PTPRD: variants seen among roughly 807,000 people sequenced by gnomAD.
PTPRD encodes receptor-type tyrosine-protein phosphatase delta.
In PTPRD, 34 loss-of-function variants were observed where a neutral mutation model predicts 214.5. The ratio of observed to expected loss-of-function variants is 0.16; its 90% CI spans 0.12 to 0.21. The LOEUF (loss-of-function observed/expected upper bound fraction) is 0.21. Among genes scored for constraint, PTPRD ranks in the 10% least tolerant of loss-of-function variants. The pLI, the probability that PTPRD is intolerant of heterozygous loss-of-function variation, is 1.00. For missense variants in PTPRD, 2,545 were observed against 2,398.7 expected (o/e 1.06, Z -1.27); for synonymous variants, 1,128 against 845.7 (o/e 1.33, Z -5.79).
intron 44 of PTPRD, among the ~76,000 whole-genome samples, chr9:8,325,955 T>G (rs1460902648): frequency 1.3e-5 from 2 of 152,204 alleles, no homozygotes; most frequent in Non-Finnish European, 2.9e-5. Flanking sequence ...CTTATCAGCT[T>G]AAGGAGATTT....
intron 7 of PTPRD, among the ~76,000 whole-genome samples, chr9:9,653,972 G>C (rs1234849703): frequency 6.6e-6 from 1 of 152,036 alleles, no homozygotes; most frequent in Non-Finnish European, 1.5e-5. Context: ...CTTTGATGTA[G>C]CTAAGATATT....
intron 7 of PTPRD, among the ~76,000 whole-genome samples, chr9:9,669,055 CTCTT>C (rs1445445966): frequency 1.3e-5 from 2 of 152,044 alleles, no homozygotes; most frequent in African/African-American, 4.8e-5. Flanking sequence ...CTTAAATAAT[CTCTT>C]TATTCTAAAA....
chr9:8,463,421 T>C (rs2096470576), intron 32 of PTPRD, among the ~76,000 whole-genome samples: 1 of 151,692 alleles, frequency 6.6e-6, no homozygotes, highest in African/African-American at 2.4e-5. Context: ...ATTGTTTTGG[T>C]TTATGCTTTA....
intron 9 of PTPRD, among the ~76,000 whole-genome samples, chr9:9,263,959 G>A (rs1277923354): frequency 1.3e-5 from 2 of 151,546 alleles, no homozygotes; most frequent in African/African-American, 2.4e-5. Flanking sequence ...AAGAGCAAGA[G>A]ATATGGAAGA....
intron 5 of PTPRD, among the ~76,000 whole-genome samples, chr9:9,866,551 A>G (rs1224297639): frequency 1.3e-5 from 2 of 152,150 alleles, no homozygotes; most frequent in African/African-American, 4.8e-5. Context: ...TTAGTTATAT[A>G]CATAACTATC....
At chr9:8,767,261 G>A (rs914203006) in intron 11 of PTPRD, among the ~76,000 whole-genome samples, 2 of 152,034 alleles carry the variant, frequency 1.3e-5, no homozygotes, top group African/African-American at 4.8e-5. Context: ...GGGATTACAG[G>A]TGTGCACCAC....
chr9:9,362,369 A>G (rs1278016167), intron 9 of PTPRD, among the ~76,000 whole-genome samples: 1 of 151,158 alleles, frequency 6.6e-6, no homozygotes, highest in Non-Finnish European at 1.5e-5. Context: ...GTTTTGCCTC[A>G]TACTTTGTTA....
chr9:9,244,443 A>G (rs1405240657), intron 9 of PTPRD, among the ~76,000 whole-genome samples: 2 of 152,192 alleles, frequency 1.3e-5, no homozygotes, highest in South Asian at 2.1e-4. Flanking sequence ...ACAGAGATAT[A>G]GACCAATGGA....
In PTPRD at chr9:9,473,739, T is replaced by G. The variant is rs114345756; in HGVS notation, c.-236-76257A>C. On this transcript the variant is annotated intron_variant, in intron 8 of 45. Transcript: ENST00000381196. ...TTTGATGATTAATGAGATTGAGCAT[T>G]TTTTCAAATATCTGTTGGTCATGTG... 5.4e-3 allele frequency among the ~76,000 whole-genome samples: 824 copies of G among 152,244 alleles called. 7 individuals carry two copies. Among genetic ancestry groups the G allele is most frequent in the African/African-American group, 0.018 (729 of 41,568 alleles).
intron 12 of PTPRD, among the ~76,000 whole-genome samples, chr9:8,667,878 T>C (rs999518900): frequency 2.6e-5 from 4 of 152,078 alleles, no homozygotes; most frequent in Admixed American, 6.5e-5. Flanking sequence ...ATTAATGCAG[T>C]TTCAGTAAGA....
intron 7 of PTPRD, among the ~76,000 whole-genome samples, chr9:9,665,660 C>T (rs1301788380): frequency 6.6e-6 from 1 of 151,716 alleles, no homozygotes; most frequent in Admixed American, 6.6e-5. Flanking sequence ...TCTCCACCTT[C>T]CACATGTAAG....
intron 8 of PTPRD, among the ~76,000 whole-genome samples, chr9:9,496,620 G>A (rs1318432843): frequency 1.3e-5 from 2 of 152,136 alleles, no homozygotes; most frequent in Non-Finnish European, 2.9e-5. Flanking sequence ...GTGATGATGT[G>A]GAGAAACCGA....
chr9:9,426,865 C>T (rs1053009057), intron 8 of PTPRD, among the ~76,000 whole-genome samples: 1 of 152,000 alleles, frequency 6.6e-6, no homozygotes, highest in Non-Finnish European at 1.5e-5. Context: ...AGAAGGAAAA[C>T]TAACAAACAG....
At chr9:8,870,215 G>T (rs2098271853) in intron 11 of PTPRD, among the ~76,000 whole-genome samples, 1 of 150,650 alleles carries the variant, frequency 6.6e-6, no homozygotes, top group African/African-American at 2.4e-5. Context: ...CAGCATAATA[G>T]CTACTTTGGA....
At chr9:8,454,809 A>G (rs902380210) in intron 33 of PTPRD, among the ~76,000 whole-genome samples, 3 of 107,732 alleles carry the variant, frequency 2.8e-5, no homozygotes, top group Non-Finnish European at 5.4e-5. Context: ...CACTGAATAC[A>G]TAGTGTGTGT....
At chr9:8,760,486 C>G (rs1332831316) in intron 11 of PTPRD, among the ~76,000 whole-genome samples, 1 of 151,790 alleles carries the variant, frequency 6.6e-6, no homozygotes. Flanking sequence ...TATTAATATC[C>G]CCACCTACTC....
chr9:8,736,935 C>T (rs759148523), intron 11 of PTPRD, among the ~76,000 whole-genome samples: 68 of 152,218 alleles, frequency 4.5e-4, no homozygotes, highest in African/African-American at 1.6e-3. Flanking sequence ...CCCGCTTTCA[C>T]TGCTCCCATC....
chr9:9,219,476 G>A (rs1373499245), intron 9 of PTPRD, among the ~76,000 whole-genome samples: 1 of 151,184 alleles, frequency 6.6e-6, no homozygotes, highest in Non-Finnish European at 1.5e-5. Context: ...TTAAACATTT[G>A]GCTAAAAGCC....
intron 2 of PTPRD, among the ~76,000 whole-genome samples, chr9:10,556,744 G>T (rs1462251083): frequency 6.6e-6 from 1 of 151,940 alleles, no homozygotes; most frequent in South Asian, 2.1e-4. Context: ...GCAGATAAAT[G>T]GATTAAAATC....
Sources: gnomAD v4.1 joint callset for allele counts (sites outside exome capture counted in the v4.1 genomes callset) on GRCh38, gnomAD v4.1.1 for gene constraint, MANE v1.5 for transcripts, NCBI Gene and HGNC (gene_info 2026-07-23, HGNC 2026-07-21) for gene names.